Variants in XNDC1N observed in about 807,000 individuals in gnomAD.
The protein encoded by XNDC1N is XRCC1 N-terminal domain containing 1, N-terminal like.
the XNDC1N span, chr11:71,916,939 A>C: frequency 6.2e-6 from 1 of 160,158 alleles, no homozygotes; most frequent in Non-Finnish European, 1.4e-5. Context: ...TATAACCACT[A>C]TGTAGCCTTC....
At chr11:71,892,090 C>A in the XNDC1N span, among the ~76,000 whole-genome samples, 1 of 152,098 alleles carries the variant, frequency 6.6e-6, no homozygotes. Flanking sequence ...ATATCATCCT[C>A]TCCCCCGCTG....
At chr11:71,887,118 G>T in the XNDC1N span, among the ~76,000 whole-genome samples, 3 of 152,300 alleles carry the variant, frequency 2.0e-5, no homozygotes, top group Middle Eastern at 6.8e-3. Context: ...TTGAGCCTCT[G>T]GTCACAATGA....
At chr11:71,882,738 C>G in the XNDC1N span, among the ~76,000 whole-genome samples, 1 of 152,106 alleles carries the variant, frequency 6.6e-6, no homozygotes, top group Admixed American at 6.5e-5. Flanking sequence ...TCTAAAAGTT[C>G]TAGCAAGAAC....
chr11:71,893,631 C>T, the XNDC1N span: 561 of 1,110,832 alleles, frequency 5.1e-4, 7 homozygotes, highest in South Asian at 6.4e-3. Flanking sequence ...CTGACTCCCC[C>T]CTCCACACCC....
At chr11:71,919,389 C>CTTTTT in the XNDC1N span, among the ~76,000 whole-genome samples, 1 of 134,518 alleles carries the variant, frequency 7.4e-6, no homozygotes, top group South Asian at 2.4e-4. Flanking sequence ...AAGCAGAGCT[C>CTTTTT]TTTTTTTTTT....
the XNDC1N span, among the ~76,000 whole-genome samples, chr11:71,888,089 G>A: frequency 2.0e-5 from 3 of 152,138 alleles, no homozygotes; most frequent in East Asian, 3.9e-4. Flanking sequence ...GTAGGTTGAT[G>A]ACCTTCTGCT....
At chr11:71,899,254 C>T in the XNDC1N span, among the ~76,000 whole-genome samples, 3 of 152,158 alleles carry the variant, frequency 2.0e-5, no homozygotes, top group Non-Finnish European at 4.4e-5. Context: ...ATCACCCTGT[C>T]TTCTTGCCAG....
At chr11:71,873,022 A>G in the XNDC1N span, among the ~76,000 whole-genome samples, 2 of 151,946 alleles carry the variant, frequency 1.3e-5, no homozygotes, top group South Asian at 4.2e-4. Flanking sequence ...TTTTCCTAAG[A>G]CTCAACTAAT....
the XNDC1N span, among the ~76,000 whole-genome samples, chr11:71,870,835 T>C: frequency 1.3e-5 from 2 of 152,066 alleles, no homozygotes; most frequent in Admixed American, 6.6e-5. Context: ...CAATGAGATA[T>C]CACCTCACAC....
chr11:71,913,866 T>A, the XNDC1N span, among the ~76,000 whole-genome samples: 2 of 152,166 alleles, frequency 1.3e-5, no homozygotes, highest in African/African-American at 4.8e-5. Flanking sequence ...TTATGCTGAA[T>A]CTACTCTGCC....
At chr11:71,884,667 T>C in the XNDC1N span, 1 of 1,373,706 alleles carries the variant, frequency 7.3e-7, no homozygotes, top group Non-Finnish European at 1.0e-6. Context: ...TAATTGCATG[T>C]TTAGATGGTC....
the XNDC1N span, among the ~76,000 whole-genome samples, chr11:71,905,067 T>A: frequency 6.6e-6 from 1 of 151,538 alleles, no homozygotes; most frequent in Non-Finnish European, 1.5e-5. Flanking sequence ...ATATCACAGG[T>A]TGTCCACTGA....
chr11:71,902,062 C>T, the XNDC1N span, among the ~76,000 whole-genome samples: 1 of 152,072 alleles, frequency 6.6e-6, no homozygotes, highest in Non-Finnish European at 1.5e-5. Flanking sequence ...TTTCTGATTC[C>T]CCAGAGCCTA....
chr11:71,894,119 C>A, the XNDC1N span: 1 of 490,110 alleles, frequency 2.0e-6, no homozygotes, highest in South Asian at 2.0e-5. Context: ...ATCCTTGTGT[C>A]TTACTATAAA....
At chr11:71,873,475 C>A in the XNDC1N span, among the ~76,000 whole-genome samples, 8 of 152,188 alleles carry the variant, frequency 5.3e-5, no homozygotes, top group Admixed American at 5.2e-4. Flanking sequence ...AGGGAGCATG[C>A]CCTTTTCGAT....
chr11:71,900,948 C>T, the XNDC1N span, among the ~76,000 whole-genome samples: 1 of 152,142 alleles, frequency 6.6e-6, no homozygotes, highest in Non-Finnish European at 1.5e-5. Context: ...CAGTCCTCTC[C>T]CTGCAACCAA....
chr11:71,903,718 G>A, the XNDC1N span: 5 of 383,248 alleles, frequency 1.3e-5, no homozygotes, highest in Admixed American at 1.5e-4. Context: ...CAAATGACCT[G>A]CTTCAAGGAT....
At chr11:71,871,297 G>A in the XNDC1N span, among the ~76,000 whole-genome samples, 1 of 151,896 alleles carries the variant, frequency 6.6e-6, no homozygotes, top group East Asian at 1.9e-4. Flanking sequence ...AATATTACAT[G>A]TTTCACTTAT....
chr11:71,919,526 T>C, the XNDC1N span, among the ~76,000 whole-genome samples: 1 of 151,858 alleles, frequency 6.6e-6, no homozygotes, highest in Admixed American at 6.6e-5. Context: ...TAGCTGGGAT[T>C]ACAGGTGCCC....
Sources: allele counts gnomAD v4.1 joint callset (sites outside exome capture counted in the v4.1 genomes callset), GRCh38; gene constraint gnomAD v4.1.1; transcripts MANE v1.5; gene names NCBI Gene and HGNC (gene_info 2026-07-23, HGNC 2026-07-21).